FAM83C: variants seen among roughly 807,000 people sequenced by gnomAD.
FAM83C encodes scaffolding CK1 anchoring protein C.
A neutral mutation model predicts 27.1 loss-of-function variants in FAM83C; 23 were observed. The ratio of observed to expected loss-of-function variants is 0.85; its 90% confidence interval spans 0.61 to 1.20. The LOEUF is 1.20. Among genes scored for constraint, FAM83C ranks in the 50% most tolerant of loss-of-function variants. The pLI is 0.00. For synonymous variants in FAM83C, 426 were observed against 423.1 expected, an observed-to-expected ratio of 1.01 and a Z score of -0.09; for missense variants, 984 against 1,001.3, an observed-to-expected ratio of 0.98 and a Z score of 0.23.
intron 1 of FAM83C, among the ~76,000 whole-genome samples, chr20:35,289,585 C>G (rs1195176861): frequency 6.6e-6 from 1 of 152,100 alleles, no homozygotes; most frequent in Non-Finnish European, 1.5e-5. Flanking sequence ...GATCTGCCTG[C>G]CTTGGACTCC....
rs1283531969 is a variant in FAM83C at position 35,292,072 on chromosome 20, AC to A, written c.232del (p.Val78TrpfsTer4). ...GCGCACATGGCTGGTCATGTAGTCCACATCCAGGGCGCTCAGGAAGGGCAGC... is the reference window on the plus strand; with the variant it reads ...GCGCACATGGCTGGTCATGTAGTCCAATCCAGGGCGCTCAGGAAGGGCAGC... ...RELPFLSALD[V>X]DYMTSHVRGG... On this transcript the variant is annotated frameshift_variant, in exon 1 of 4. Transcript: ENST00000374408. LOFTEE classifies it high-confidence loss of function. 4 of 1,610,642 alleles carry A rather than the reference AC, an allele frequency of 2.5e-6. No individual in the cohort carries two copies. In the African/African-American group the frequency reaches 5.3e-5, roughly 22 times the overall value.
In FAM83C at chr20:35,287,963, C is replaced by T. The variant is rs1457750772; in HGVS notation, c.816G>A (p.Trp272Ter). ...TGCTAGTGTGGGCCTGGCTGCAAAG[C>T]CAGGTGAAGCTGGGGGCAGAGGGAC... is the stretch of plus-strand genomic sequence containing the variant. Reference protein sequence around the residue: ...QVVAGSYSFTWLCSQAHTSMV... With the variant: ...QVVAGSYSFT Residue 272 changes from tryptophan (W) to a stop codon, truncating the protein, a stop_gained, in exon 4 of 4, where the codon TGG becomes TGA. Coordinates refer to ENST00000374408, the MANE Select transcript of FAM83C (RefSeq NM_178468.6). LOFTEE classifies it low-confidence loss of function (END_TRUNC). 2 of 1,561,988 alleles carry T rather than the reference C, an allele frequency of 1.3e-6. No homozygotes were observed. Among genetic ancestry groups the T allele is most frequent in the South Asian group, 2.4e-5 (2 of 85,026 alleles).
At chr20:35,288,024 G>A (rs1444497062) in intron 3 of FAM83C, 52 bp from the exon 4 acceptor site, 19 of 1,461,482 alleles carry the variant, frequency 1.3e-5, no homozygotes, top group East Asian at 2.4e-5. Flanking sequence ...GATCCTGGGG[G>A]TCGGCAGGAG....
rs563880219 is a variant in FAM83C at position 35,286,751 on chromosome 20, G to A, written c.2028C>T (p.Gly676=). ...TGGTGATGAGGTCCAGCTTGCTGTG[G>A]CCCAGGGTTAGCCGTTTCTCATCCC... is the stretch of plus-strand genomic sequence containing the variant. ...GSGDEKRLTL[G]HSKLDLITKY... is the part of the protein sequence containing the mutation. The change falls in exon 4 of 4, where the codon GGC becomes GGT. Residue 676 remains glycine, a synonymous_variant. Transcript: ENST00000374408. 2.8e-5 allele frequency: 45 copies of A among 1,613,918 alleles called. No individual in the cohort carries two copies. The highest frequency in any genetic ancestry group is 3.8e-5 in the Non-Finnish European group (45 of 1,179,962).
Position 35,287,690 on chromosome 20 carries a change from G to A in FAM83C, c.1089C>T (p.Leu363=), listed in dbSNP as rs1027214353. The change falls in exon 4 of 4, where the codon CTC becomes CTT. Residue 363 remains leucine, a synonymous_variant. Transcript: ENST00000374408. ...QSPLMGRSSY[L]ALPGGGDCSD... ...TGCAATCACCACCTCCTGGTAGAGC[G>A]AGGTAGGAGGAGCGACCCATAAGCG... 4.3e-6 allele frequency: 7 copies of A among 1,614,022 alleles called. 1 individual carries two copies. Among genetic ancestry groups the A allele is most frequent in the Admixed American group, 1.7e-5 (1 of 60,020 alleles).
Position 35,286,697 on chromosome 20 carries a change from C to T in FAM83C, c.2082G>A (p.Gln694=), listed in dbSNP as rs753918972. The change falls in exon 4 of 4, where the codon CAG becomes CAA. Residue 694 remains glutamine (Q), a synonymous_variant. Transcript: ENST00000374408. ...TKYHQLHGAR[Q]GTEPGGPKGG... ...CCTTGGGACCCCCAGGCTCAGTTCC[C>T]TGCCTGGCCCCGTGCAACTGATGAT... The T allele has an allele frequency of 1.9e-6, 3 of 1,614,154 alleles. No homozygotes were observed. Among genetic ancestry groups the T allele is most frequent in the Middle Eastern group, 1.6e-4 (1 of 6,062 alleles).
chr20:35,286,623 C>A lies in FAM83C; in HGVS notation c.2156G>T (p.Arg719Leu). The A allele has an allele frequency of 6.2e-7, 1 of 1,614,094 alleles. No individual in the cohort carries two copies. Among genetic ancestry groups the A allele is most frequent in the Non-Finnish European group, 8.5e-7 (1 of 1,180,020 alleles). The change falls in exon 4 of 4, where the codon CGG becomes CTG. Residue 719 changes from arginine (R) to leucine (L), a missense_variant. Transcript: ENST00000374408. ...CAGTTTGCTGTGACCCAGGGTCAGC[C>A]GTTTCTCATCCCTGACCAGGTCACT... The part of the protein sequence containing the change: ...GNSDLVRDEK[R>L]LTLGHSKLDL...
intron 3 of FAM83C, among the ~76,000 whole-genome samples, 188 bp from the exon 4 acceptor site, chr20:35,288,160 G>T (rs958842623): frequency 2.7e-4 from 21 of 78,730 alleles, no homozygotes; most frequent in East Asian, 2.0e-3. Context: ...CTTAGTGTGT[G>T]ACCTCATGGA....
rs1259966256 is a variant in FAM83C, at chr20:35,286,435, C to T, written c.*100G>A. ...AGTGTGTCTGACCTGGGTTTCTAGACACCTCCCTTCCCCAGTCTGGGACCT... is the reference window on the plus strand; with the variant it reads ...AGTGTGTCTGACCTGGGTTTCTAGATACCTCCCTTCCCCAGTCTGGGACCT... On this transcript the variant is annotated 3_prime_UTR_variant, in exon 4 of 4. Transcript: ENST00000374408. The T allele has an allele frequency of 3.3e-6, 4 of 1,214,522 alleles. No homozygotes were observed. Among genetic ancestry groups the T allele is most frequent in the African/African-American group, 1.5e-5 (1 of 65,436 alleles). 75.2% of individuals were successfully genotyped at this position (1,214,522 alleles called of 1,614,324 possible).
In FAM83C at chr20:35,288,907, G is replaced by T. The variant is rs916795813; in HGVS notation, c.565C>A (p.Leu189Ile). The T allele has an allele frequency of 3.1e-6, 5 of 1,614,008 alleles. No individual in the cohort carries two copies. In the African/African-American group the frequency reaches 6.7e-5, roughly 22 times the overall value. ...CCACGCCGGCTTGAGGCCTCCATGA[G>T]GTCACACAGAAGCTCCATGTCAGTG... The part of the protein sequence containing the change: ...IFTDMELLCD[L>I]MEASSRRGVP... The change falls in exon 2 of 4, where the codon CTC becomes ATC. Residue 189 changes from leucine (L) to isoleucine (I), a missense_variant. By Grantham distance (5) the Leu-to-Ile change is conservative (BLOSUM62 2). Coordinates refer to ENST00000374408, the MANE Select transcript of FAM83C (RefSeq NM_178468.6).
Position 35,286,214 on chromosome 20 carries a change from C to A in FAM83C, c.*321G>T. The stretch of plus-strand genomic sequence containing the variant: ...CCCTCTGTAACTGGTTAACCTTTAA[C>A]TTGATATGGCTCTGACCCCTTCTCC... On this transcript the variant is annotated 3_prime_UTR_variant, in exon 4 of 4. Transcript: ENST00000374408. The A allele has an allele frequency of 7.0e-6, 2 of 284,212 alleles. No homozygotes were observed. Among genetic ancestry groups the A allele is most frequent in the Middle Eastern group, 1.1e-3 (1 of 904 alleles). 17.6% of individuals were successfully genotyped at this position (284,212 alleles called of 1,614,324 possible).
At chr20:35,290,705 C>T (rs1229927527) in intron 1 of FAM83C, among the ~76,000 whole-genome samples, 1 of 152,172 alleles carries the variant, frequency 6.6e-6, no homozygotes, top group Non-Finnish European at 1.5e-5. Flanking sequence ...CCCTAGTTCA[C>T]AGCACAGGCC....
Position 35,286,864 on chromosome 20 carries a change from T to C in FAM83C, c.1915A>G (p.Thr639Ala), listed in dbSNP as rs752825043. Residue 639 changes from threonine to alanine, a missense_variant, in exon 4 of 4, where the codon ACA (threonine) becomes GCA (alanine). Thr to Ala is a moderately conservative substitution (Grantham distance 58). Coordinates refer to ENST00000374408, the MANE Select transcript of FAM83C (RefSeq NM_178468.6). The stretch of plus-strand genomic sequence containing the variant: ...TCACCACGGAATGGGCCGAACTTTG[T>C]GATGAGGTCCAGCTGGCTGTGCCCC... ...TLGHSQLDLITKFGPFRGEGP... is the reference protein window; with the variant it reads ...TLGHSQLDLIAKFGPFRGEGP... 4 of 1,614,200 alleles carry C rather than the reference T, an allele frequency of 2.5e-6. No individual in the cohort carries two copies. In the South Asian group the frequency reaches 4.4e-5, roughly 18 times the overall value.
chr20:35,289,083 C>G, intron 1 of FAM83C, 125 bp from the exon 2 acceptor site: 1 of 1,239,836 alleles, frequency 8.1e-7, no homozygotes, highest in Non-Finnish European at 1.1e-6. Flanking sequence ...GAGGCCAGAG[C>G]CTTCAAGAGC....
Position 35,287,682 on chromosome 20 carries a change from G to C in FAM83C, c.1097C>G (p.Pro366Arg). The C allele has an allele frequency of 1.2e-6, 2 of 1,614,020 alleles. No homozygotes were observed. The highest frequency in any genetic ancestry group is 8.5e-7 in the Non-Finnish European group (1 of 1,179,956). The change falls in exon 4 of 4, where the codon CCA (proline) becomes CGA (arginine). Residue 366 changes from proline to arginine, a missense_variant. Pro to Arg is a moderately radical substitution (Grantham distance 103, BLOSUM62 -2). Coordinates refer to ENST00000374408, the MANE Select transcript of FAM83C (RefSeq NM_178468.6). ...LMGRSSYLAL[P>R]GGGDCSDTGV... ...CGTATCACTGCAATCACCACCTCCT[G>C]GTAGAGCGAGGTAGGAGGAGCGACC...
chr20:35,286,649 G>C lies in FAM83C; in HGVS notation c.2130C>G (p.Asn710Lys), dbSNP rs745343104. 3.8e-5 allele frequency: 61 copies of C among 1,613,776 alleles called. No individual in the cohort carries two copies. The highest frequency in any genetic ancestry group is 5.1e-5 in the Non-Finnish European group (60 of 1,179,950). Residue 710 changes from asparagine to lysine, a missense_variant, in exon 4 of 4, where the codon AAC becomes AAG. Physicochemically the swap from Asn to Lys is moderately conservative, Grantham distance 94. Transcript: ENST00000374408. ...GTTTCTCATCCCTGACCAGGTCACT[G>C]TTACCACCATTGAGATGGCCACCCT... The part of the protein sequence containing the change: ...GPKGGHLNGG[N>K]SDLVRDEKRL...
Position 35,287,178 on chromosome 20 carries a change from AG to A in FAM83C, c.1600del (p.Leu534PhefsTer54). 2 of 1,608,726 alleles carry A rather than the reference AG, an allele frequency of 1.2e-6. No individual in the cohort carries two copies. On this transcript the variant is annotated frameshift_variant, in exon 4 of 4. Transcript: ENST00000374408. LOFTEE classifies it low-confidence loss of function (END_TRUNC). ...DSGVTPNSGP[L>X]RPGEQAPEDR... is the part of the protein sequence containing the mutation. ...CTCTGGGGCCTGCTCGCCAGGCCGA[AG>A]GGGGCCTGAGTTGGGGGTAACCCCA...
intron 3 of FAM83C, among the ~76,000 whole-genome samples, chr20:35,288,254 A>G (rs773292118): frequency 2.6e-5 from 4 of 152,150 alleles, no homozygotes; most frequent in African/African-American, 7.2e-5. Flanking sequence ...GTCATTTTCT[A>G]TACCAAGGGT....
intron 1 of FAM83C, among the ~76,000 whole-genome samples, chr20:35,289,256 C>T (rs1274556140): frequency 6.6e-6 from 1 of 152,128 alleles, no homozygotes; most frequent in African/African-American, 2.4e-5. Flanking sequence ...CTGCCTAGAA[C>T]TCCCAGGCTC....
Sources: allele counts gnomAD v4.1 joint callset (sites outside exome capture counted in the v4.1 genomes callset), GRCh38; gene constraint gnomAD v4.1.1; transcripts MANE v1.5; gene names NCBI Gene and HGNC (gene_info 2026-07-23, HGNC 2026-07-21).